PASD1: variants seen among roughly 807,000 people sequenced by gnomAD.
The protein encoded by PASD1 is PAS domain containing repressor 1.
PASD1 carries 13 observed loss-of-function variants against 58.8 expected under a neutral mutation model. That is an observed-to-expected ratio of 0.22 (90% CI 0.14 to 0.35). PASD1 has a LOEUF of 0.35. PASD1 is among the 10% of genes least tolerant of loss of function. The pLI, the probability that PASD1 is intolerant of heterozygous loss-of-function variation, is 1.00. For synonymous variants in PASD1, 236 were observed against 216.7 expected (o/e 1.09, Z -0.78); for missense variants, 734 against 568.3 (o/e 1.29, Z -2.96).
At chrX:151,644,548 G>T (rs890576605) in intron 8 of PASD1, among the ~76,000 whole-genome samples, 2 of 111,272 alleles carry the variant, frequency 1.8e-5, no homozygotes, top group East Asian at 5.7e-4. Context: ...CTAGGAGAGA[G>T]AATTAAAATT....
intron 7 of PASD1, 21 bp downstream of exon 7, chrX:151,623,085 C>G: frequency 2.5e-6 from 3 of 1,202,813 alleles, no homozygotes; most frequent in Non-Finnish European, 3.4e-6. Flanking sequence ...TGTGTTTGTG[C>G]TTCCCCCGCT....
chrX:151,602,190 G>C (rs956777586), intron 2 of PASD1, among the ~76,000 whole-genome samples: 1 of 111,588 alleles, frequency 9.0e-6, no homozygotes, highest in Non-Finnish European at 1.9e-5. Context: ...GTTATTTACT[G>C]TAGTCACCAT....
intron 8 of PASD1, among the ~76,000 whole-genome samples, chrX:151,641,437 A>G (rs967310946): frequency 8.9e-6 from 1 of 111,918 alleles, no homozygotes; most frequent in Admixed American, 9.5e-5. Context: ...TTTGTTTTAA[A>G]TCTTCATTTT....
rs755666489 is a variant in PASD1 at position 151,603,759 on chromosome X, T to A, written c.29-887T>A. On this transcript the variant is annotated intron_variant, in intron 2 of 15. Coordinates refer to ENST00000370357, the MANE Select transcript of PASD1 (RefSeq NM_173493.3). Reference sequence around the variant, plus strand: ...TCAGTGAGGGCTCTAAAGCTCTCTTTATGCATGGCCTCCCTCTTACCCAAC... The same window carrying A: ...TCAGTGAGGGCTCTAAAGCTCTCTTAATGCATGGCCTCCCTCTTACCCAAC... Among the ~76,000 whole-genome samples the A allele has an allele frequency of 1.9e-3, 211 of 111,674 alleles. 2 individuals are homozygous for A. The highest frequency in any genetic ancestry group is 2.7e-3 in the Non-Finnish European group (145 of 53,113).
At chrX:151,634,383 A>G (rs2013904271) in intron 8 of PASD1, among the ~76,000 whole-genome samples, 1 of 111,588 alleles carries the variant, frequency 9.0e-6, no homozygotes, top group Non-Finnish European at 1.9e-5. Flanking sequence ...CAAGTTTATT[A>G]TAATACATAA....
intron 3 of PASD1, among the ~76,000 whole-genome samples, chrX:151,604,968 T>G (rs929817707): frequency 8.9e-6 from 1 of 112,015 alleles, no homozygotes; most frequent in African/African-American, 3.2e-5. Flanking sequence ...GAACCACTGA[T>G]TTTGAGTGAC....
intron 8 of PASD1, among the ~76,000 whole-genome samples, chrX:151,639,693 C>A (rs2013975327): frequency 8.9e-6 from 1 of 111,827 alleles, no homozygotes; most frequent in South Asian, 3.8e-4. Context: ...CTTGAGATCA[C>A]AGAGACTGAC....
At chrX:151,640,423 G>T (rs1238506676) in intron 8 of PASD1, among the ~76,000 whole-genome samples, 3 of 111,953 alleles carry the variant, frequency 2.7e-5, no homozygotes, top group East Asian at 5.6e-4. Context: ...AGTCAATATA[G>T]TACCTTACAA....
At chrX:151,668,849 C>T (rs1489071708) in intron 11 of PASD1, among the ~76,000 whole-genome samples, 1 of 107,866 alleles carries the variant, frequency 9.3e-6, no homozygotes, top group Non-Finnish European at 1.9e-5. Flanking sequence ...TCCTACCTAA[C>T]TCGTTTTATG....
intron 1 of PASD1, among the ~76,000 whole-genome samples, chrX:151,576,998 A>T (rs1211970524): frequency 8.9e-6 from 1 of 111,915 alleles, no homozygotes; most frequent in African/African-American, 3.2e-5. Flanking sequence ...TTTTCCAGCT[A>T]TGCGGCTCGT....
intron 10 of PASD1, among the ~76,000 whole-genome samples, chrX:151,662,023 G>A (rs1008460770): frequency 2.7e-5 from 3 of 112,129 alleles, no homozygotes; most frequent in Admixed American, 9.4e-5. Context: ...ATATTTGAGG[G>A]GAGCTACATT....
At chrX:151,591,136 T>C (rs763591848) in intron 1 of PASD1, among the ~76,000 whole-genome samples, 16 of 111,741 alleles carry the variant, frequency 1.4e-4, no homozygotes, top group African/African-American at 5.2e-4. Context: ...AGAGTTAGAC[T>C]GAGGATTCTT....
Position 151,596,629 on chromosome X carries a change from A to G in PASD1, c.-27-4898A>G, listed in dbSNP as rs887235177. 2.7e-5 allele frequency among the ~76,000 whole-genome samples: 3 copies of G among 112,665 alleles called. No homozygotes were observed. In the Admixed American group the frequency reaches 2.8e-4, roughly 11 times the overall value. On this transcript the variant is annotated intron_variant, in intron 1 of 15. Coordinates refer to ENST00000370357, the MANE Select transcript of PASD1 (RefSeq NM_173493.3). ...TAATTTTGGTTGCTGGTATGTAGGA[A>G]CAAATTAATTTTTAAATATTAATCT...
intron 8 of PASD1, among the ~76,000 whole-genome samples, chrX:151,628,751 GA>G (rs774962912): frequency 8.9e-6 from 1 of 111,745 alleles, no homozygotes; most frequent in South Asian, 3.8e-4. Context: ...GCTTGATGGG[GA>G]TGGCATTGAA....
chrX:151,658,208 A>G (rs955223426), intron 9 of PASD1, among the ~76,000 whole-genome samples: 1 of 112,101 alleles, frequency 8.9e-6, no homozygotes, highest in African/African-American at 3.2e-5. Context: ...GGTGAATCCA[A>G]AACTCCACTG....
chrX:151,650,471 C>T (rs1045960066), intron 9 of PASD1, among the ~76,000 whole-genome samples: 2 of 111,259 alleles, frequency 1.8e-5, no homozygotes, highest in African/African-American at 6.5e-5. Flanking sequence ...AGTCCACCAA[C>T]GTATATATTT....
chrX:151,622,934 T>C lies in PASD1; in HGVS notation c.419-3T>C. 2 of 1,206,359 alleles carry C rather than the reference T, an allele frequency of 1.7e-6. No homozygotes were observed. The highest frequency in any genetic ancestry group is 2.2e-6 in the Non-Finnish European group (2 of 892,472). ...TTTTCACATGTGTGTCTATCTTCCT[T>C]AGAGTTTCCTGTGGTCTTTAGTGGC... On this transcript the variant is annotated splice_region_variant and splice_polypyrimidine_tract_variant and intron_variant, in intron 6 of 15. Transcript: ENST00000370357.
At chrX:151,653,827 C>T (rs1447041678) in intron 9 of PASD1, among the ~76,000 whole-genome samples, 1 of 25,808 alleles carries the variant, frequency 3.9e-5, no homozygotes, top group African/African-American at 8.9e-5. Flanking sequence ...TCCTTCCTTC[C>T]TTCCTTCCTT....
intron 1 of PASD1, among the ~76,000 whole-genome samples, chrX:151,571,133 T>C (rs1018891608): frequency 6.2e-5 from 7 of 112,170 alleles, no homozygotes; most frequent in African/African-American, 2.3e-4. Flanking sequence ...GGCGATTTTG[T>C]AAATGTCACT....
Sources: gnomAD v4.1 joint callset for allele counts (sites outside exome capture counted in the v4.1 genomes callset) on GRCh38, gnomAD v4.1.1 for gene constraint, MANE v1.5 for transcripts, NCBI Gene and HGNC (gene_info 2026-07-23, HGNC 2026-07-21) for gene names.